PCDH7: variants seen among roughly 807,000 people sequenced by gnomAD.
The protein encoded by PCDH7 is protocadherin-7.
Under a neutral mutation model 58.9 loss-of-function variants are expected in PCDH7, and 17 were observed. That is an observed-to-expected ratio of 0.29 (90% confidence interval 0.20 to 0.43). The LOEUF is 0.43. Ranked by LOEUF, PCDH7 falls within the 20% of genes least tolerant of loss-of-function variation. The pLI, the probability that PCDH7 is intolerant of heterozygous loss-of-function variation, is 1.00. For synonymous variants in PCDH7, 664 were observed against 616.4 expected (o/e 1.08, Z -1.14); for missense variants, 1,274 against 1,441.0 (o/e 0.88, Z 1.88).
At chr4:30,928,322 C>G (rs1419789078) in intron 2 of PCDH7, among the ~76,000 whole-genome samples, 1 of 152,202 alleles carries the variant, frequency 6.6e-6, no homozygotes, top group Non-Finnish European at 1.5e-5. Flanking sequence ...ATTGTTACCT[C>G]TTCTCTTGCA....
chr4:31,076,865 CTT>C (rs1218881481), intron 3 of PCDH7, among the ~76,000 whole-genome samples: 1 of 152,096 alleles, frequency 6.6e-6, no homozygotes, highest in East Asian at 1.9e-4. Context: ...CAAACAAAAT[CTT>C]TGCACACTTA....
rs75739626 is a variant in PCDH7, at chr4:31,056,188, G to A, written c.*8-86285G>A. On this transcript the variant is annotated intron_variant, in intron 3 of 3. Coordinates refer to the PCDH7 transcript ENST00000509759. ...GTTCTAGACCAGCCTGGGCAATGTG[G>A]GGAAACCCCATCTTTAAAAAAATAC... Among the ~76,000 whole-genome samples, 472 of 151,826 alleles carry A rather than the reference G, an allele frequency of 3.1e-3. 23 individuals are homozygous for A. In the East Asian group the frequency reaches 0.083, roughly 27 times the overall value.
chr4:31,082,753 T>A lies in PCDH7; in HGVS notation c.*8-59720T>A, dbSNP rs1474245511. ...GTTCACAAAGGCATACAGAGTGATA[T>A]AATGGACTTCAGAAACTCAGAAGAG... On this transcript the variant is annotated intron_variant, in intron 3 of 3. Coordinates refer to the PCDH7 transcript ENST00000509759. Among the ~76,000 whole-genome samples the A allele has an allele frequency of 4.0e-5, 5 of 125,432 alleles. No homozygotes were observed. In the East Asian group the frequency reaches 1.2e-3, roughly 29 times the overall value. 82.3% of individuals were successfully genotyped at this position (125,432 alleles called of 152,430 possible). A position where few individuals can be genotyped will look rare whatever the true frequency, so the allele number is the denominator to read the frequency against.
At chr4:30,797,804 C>T (rs1384413638) in intron 1 of PCDH7, among the ~76,000 whole-genome samples, 2 of 152,054 alleles carry the variant, frequency 1.3e-5, no homozygotes, top group Non-Finnish European at 2.9e-5. Flanking sequence ...TACGTGTTTT[C>T]TGGGGGCACG....
At position 30,722,827 on chromosome 4, in the gene PCDH7, C is replaced by T; in HGVS notation, c.1405C>T (p.Gln469Ter). 1 of 1,613,648 alleles carries T rather than the reference C, an allele frequency of 6.2e-7. No individual in the cohort carries two copies. Among genetic ancestry groups the T allele is most frequent in the Non-Finnish European group, 8.5e-7 (1 of 1,180,014 alleles). ...CACCGTGGTGGGCGACGTGCCCTTC[C>T]AGCTCAAGCCAGCCAGCGACACCGA... The change falls in exon 1 of 2, where the codon CAG becomes TAG. Residue 469 changes from glutamine to a stop codon, truncating the protein, a stop_gained. Coordinates refer to ENST00000361762, the Ensembl canonical transcript of PCDH7. LOFTEE classifies it high-confidence loss of function. The surrounding 1 kb of genome is among the most constrained non-coding windows in gnomAD (Gnocchi z 7.6).
chr4:30,720,401 C>T (rs1713300520), upstream of PCDH7: 2 of 152,776 alleles, frequency 1.3e-5, no homozygotes, highest in South Asian at 2.1e-4. This position sits in a 1 kb window ranked among gnomAD's most constrained non-coding sequence, Gnocchi z 4.7. Context: ...TCCCACTGCT[C>T]CGACATGCGG....
chr4:30,979,222 A>G (rs1750338542), intron 3 of PCDH7, among the ~76,000 whole-genome samples: 1 of 151,302 alleles, frequency 6.6e-6, no homozygotes, highest in South Asian at 2.1e-4. Context: ...GATGCTTGGG[A>G]GGCTGAAGCA....
chr4:30,807,187 C>T (rs75797537), intron 1 of PCDH7, among the ~76,000 whole-genome samples: 3,521 of 152,252 alleles, frequency 0.023, 208 homozygotes, highest in East Asian at 0.22. Flanking sequence ...ATAACCTGAA[C>T]ATTGTGCTTA....
chr4:30,995,363 T>C (rs548519442), intron 3 of PCDH7, among the ~76,000 whole-genome samples: 1 of 152,016 alleles, frequency 6.6e-6, no homozygotes, highest in South Asian at 2.1e-4. Flanking sequence ...ATACAAAAAA[T>C]TAGCTGGGCG....
chr4:30,915,450 C>A (rs1056349676), intron 1 of PCDH7, among the ~76,000 whole-genome samples: 1 of 152,104 alleles, frequency 6.6e-6, no homozygotes, highest in African/African-American at 2.4e-5. Context: ...ATAGGATTGC[C>A]TTTCTGGAAA....
intron 3 of PCDH7, among the ~76,000 whole-genome samples, chr4:31,121,890 G>C (rs144977963): frequency 6.6e-6 from 1 of 152,066 alleles, no homozygotes; most frequent in African/African-American, 2.4e-5. Context: ...ATTATATCTT[G>C]CTCAGGAGGA....
At chr4:30,931,962 A>G (rs1303948249) in intron 2 of PCDH7, among the ~76,000 whole-genome samples, 2 of 151,388 alleles carry the variant, frequency 1.3e-5, no homozygotes, top group Non-Finnish European at 2.9e-5. Context: ...TGACTTTTAT[A>G]TTTTATTTTA....
intron 3 of PCDH7, among the ~76,000 whole-genome samples, chr4:31,031,821 C>T (rs1050644431): frequency 6.6e-6 from 1 of 152,146 alleles, no homozygotes; most frequent in African/African-American, 2.4e-5. Context: ...AACTTACTTA[C>T]AAAGAATAAG....
chr4:30,739,304 C>G (rs909243822), intron 1 of PCDH7, among the ~76,000 whole-genome samples: 5 of 151,084 alleles, frequency 3.3e-5, no homozygotes, highest in Non-Finnish European at 5.9e-5. Context: ...AATGTAACAG[C>G]GAATAGACTT....
At chr4:30,996,496 A>T (rs1296837515) in intron 3 of PCDH7, among the ~76,000 whole-genome samples, 1 of 152,180 alleles carries the variant, frequency 6.6e-6, no homozygotes, top group East Asian at 1.9e-4. Context: ...GAAAGAGGAA[A>T]ATGACTTTTC....
chr4:30,751,047 G>C (rs577719495), intron 1 of PCDH7, among the ~76,000 whole-genome samples: 5 of 152,284 alleles, frequency 3.3e-5, no homozygotes, highest in East Asian at 3.9e-4. Context: ...GCCATAAAAT[G>C]AGTTAGGTTT....
At chr4:31,094,834 G>A (rs763792402) in intron 3 of PCDH7, among the ~76,000 whole-genome samples, 5 of 149,996 alleles carry the variant, frequency 3.3e-5, no homozygotes, top group Admixed American at 6.6e-5. Flanking sequence ...TTTATGATTC[G>A]TATTACCAAC....
chr4:30,747,189 T>G (rs547350839), intron 1 of PCDH7, among the ~76,000 whole-genome samples: 1 of 152,286 alleles, frequency 6.6e-6, no homozygotes, highest in African/African-American at 2.4e-5. Flanking sequence ...CTGAACTGGA[T>G]CTAAGAAAAT....
At position 30,740,653 on chromosome 4, in the gene PCDH7, C is replaced by CA. The variant is rs565567463; in HGVS notation, c.70+16065dup. On this transcript the variant is annotated intron_variant, in intron 1 of 3. Coordinates refer to the PCDH7 transcript ENST00000509759. ...AAAAGTACATTTTGTTTACCTTTTA[C>CA]AAAAAAAAGATACATGTTTTTCTCT... Among the ~76,000 whole-genome samples the CA allele has an allele frequency of 1.4e-3, 214 of 148,636 alleles. 1 individual carries two copies. The highest frequency in any genetic ancestry group is 9.2e-3 in the East Asian group (47 of 5,128).
Sources: allele counts gnomAD v4.1 joint callset (sites outside exome capture counted in the v4.1 genomes callset), GRCh38; gene constraint gnomAD v4.1.1; non-coding constraint Gnocchi (gnomAD v3.1); transcripts MANE v1.5; gene names NCBI Gene and HGNC (gene_info 2026-07-23, HGNC 2026-07-21).